The following STK3 variants were observed in gnomAD, a reference collection of about 807,000 sequenced individuals.
The protein encoded by STK3 is serine/threonine-protein kinase 3.
In STK3, 41 loss-of-function variants were observed where a neutral mutation model predicts 58.0. The ratio of observed to expected loss-of-function variants is 0.71; its 90% confidence interval spans 0.55 to 0.92. STK3 has a LOEUF of 0.92. Ranked by LOEUF, STK3 falls within the 40% of genes least tolerant of loss-of-function variation. The pLI, the probability that STK3 is intolerant of heterozygous loss-of-function variation, is 0.00. For synonymous variants in STK3, 170 were observed against 191.0 expected (o/e 0.89, Z 0.91); for missense variants, 479 against 602.7 (o/e 0.79, Z 2.15).
chr8:98,515,467 GTCTGTA>G (rs1022004789), intron 10 of STK3, among the ~76,000 whole-genome samples: 3 of 152,104 alleles, frequency 2.0e-5, no homozygotes, highest in Non-Finnish European at 2.9e-5. Flanking sequence ...CCTGCTCCAT[GTCTGTA>G]TTCCTACTTT....
intron 2 of STK3, 24 bp from the exon 3 acceptor site, chr8:98,767,395 T>C: frequency 6.4e-7 from 1 of 1,564,438 alleles, no homozygotes; most frequent in South Asian, 1.2e-5. Context: ...AGACATTATT[T>C]TTTTCCTATC....
At chr8:98,851,374 A>G (rs1248832349) in intron 3 of STK3, among the ~76,000 whole-genome samples, 3 of 152,182 alleles carry the variant, frequency 2.0e-5, no homozygotes, top group African/African-American at 7.2e-5. Flanking sequence ...CTCTTGTGGC[A>G]AGGTCATGGT....
chr8:98,686,093 A>G (rs1823979701), intron 6 of STK3, among the ~76,000 whole-genome samples: 1 of 152,192 alleles, frequency 6.6e-6, no homozygotes, highest in South Asian at 2.1e-4. Flanking sequence ...AAATGATTCT[A>G]ACATTAAAAT....
intron 1 of STK3, among the ~76,000 whole-genome samples, chr8:98,913,179 CAAAT>C (rs573649974): frequency 1.3e-3 from 194 of 150,170 alleles, no homozygotes; most frequent in African/African-American, 4.4e-3. Flanking sequence ...TTTTGAAAAA[CAAAT>C]AAGAGCTTTC....
chr8:98,628,769 T>C (rs1373702209), intron 6 of STK3, among the ~76,000 whole-genome samples: 1 of 129,340 alleles, frequency 7.7e-6, no homozygotes, highest in Admixed American at 9.6e-5. Flanking sequence ...ACCACTGCAC[T>C]CTATCCCAGG....
intron 3 of STK3, chr8:98,427,548 A>C (rs1818254847): frequency 6.9e-6 from 1 of 144,336 alleles, no homozygotes. Context: ...CACCCCACCA[A>C]AGCTACGCGC....
chr8:98,547,345 G>A (rs1810783698), intron 9 of STK3, among the ~76,000 whole-genome samples: 1 of 152,212 alleles, frequency 6.6e-6, no homozygotes, highest in South Asian at 2.1e-4. Context: ...AGAAGTGCTA[G>A]TCTGTGAAAG....
At chr8:98,933,152 A>G (rs989502043) in intron 1 of STK3, among the ~76,000 whole-genome samples, 7 of 152,228 alleles carry the variant, frequency 4.6e-5, no homozygotes, top group Non-Finnish European at 1.0e-4. Flanking sequence ...ATTGTATTCT[A>G]AAGAGTCAGC....
intron 1 of STK3, among the ~76,000 whole-genome samples, chr8:98,803,493 C>T (rs1833703062): frequency 6.8e-6 from 1 of 147,776 alleles, no homozygotes; most frequent in African/African-American, 2.5e-5. Flanking sequence ...ACTCGGGAGG[C>T]TAAGGTAGGA....
At chr8:98,380,184 G>A (rs1367752387) in intron 1 of STK3, among the ~76,000 whole-genome samples, 1 of 152,148 alleles carries the variant, frequency 6.6e-6, no homozygotes, top group African/African-American at 2.4e-5. Context: ...ATTAACAGGT[G>A]TAAGTTTTCA....
chr8:98,647,781 G>A (rs757561516), intron 6 of STK3, among the ~76,000 whole-genome samples: 3 of 152,164 alleles, frequency 2.0e-5, no homozygotes, highest in Non-Finnish European at 4.4e-5. Context: ...AGCTGGGATT[G>A]TAGGCATGAG....
At chr8:98,550,561 A>T (rs1407683820) in intron 8 of STK3, among the ~76,000 whole-genome samples, 4 of 152,074 alleles carry the variant, frequency 2.6e-5, no homozygotes, top group Admixed American at 6.6e-5. Context: ...TTCATTCCCT[A>T]TATATGCATC....
chr8:98,404,354 T>C (rs1198725662), intron 3 of STK3, among the ~76,000 whole-genome samples: 6 of 152,002 alleles, frequency 3.9e-5, no homozygotes, highest in Non-Finnish European at 1.5e-5. Flanking sequence ...TTGGACAACA[T>C]AGCGAGACTC....
chr8:98,513,958 C>A (rs1824725228), intron 10 of STK3, among the ~76,000 whole-genome samples: 1 of 152,126 alleles, frequency 6.6e-6, no homozygotes. Context: ...CCCAAGAAAA[C>A]CACATATTCC....
At chr8:98,826,407 T>C (rs569066370), upstream of STK3, among the ~76,000 whole-genome samples, 63 of 152,348 alleles carry the variant, frequency 4.1e-4, no homozygotes, top group Admixed American at 6.5e-4. Flanking sequence ...TCACAATAAT[T>C]ACATCTAATT....
intron 3 of STK3, among the ~76,000 whole-genome samples, chr8:98,422,646 C>T (rs113778397): frequency 3.3e-5 from 5 of 152,166 alleles, no homozygotes; most frequent in African/African-American, 7.2e-5. Flanking sequence ...AGGGAGGCGA[C>T]GACAAAGGCA....
intron 3 of STK3, among the ~76,000 whole-genome samples, chr8:98,411,999 T>C (rs1818062161): frequency 6.6e-6 from 1 of 152,140 alleles, no homozygotes; most frequent in Non-Finnish European, 1.5e-5. Flanking sequence ...CAGAGGGAAT[T>C]CAAAAGGCCC....
At chr8:98,909,675 G>A (rs893297422) in intron 1 of STK3, among the ~76,000 whole-genome samples, 3 of 152,148 alleles carry the variant, frequency 2.0e-5, no homozygotes, top group Non-Finnish European at 4.4e-5. Flanking sequence ...ATGTTGCAGC[G>A]TGTATCAGTA....
chr8:98,873,562 C>G (rs1309552836), intron 3 of STK3, among the ~76,000 whole-genome samples: 1 of 152,174 alleles, frequency 6.6e-6, no homozygotes, highest in Non-Finnish European at 1.5e-5. Flanking sequence ...GTTAGCTCTT[C>G]TTGTTGAATT....
Sources: allele counts gnomAD v4.1 joint callset (sites outside exome capture counted in the v4.1 genomes callset), GRCh38; gene constraint gnomAD v4.1.1; transcripts MANE v1.5; gene names NCBI Gene and HGNC (gene_info 2026-07-23, HGNC 2026-07-21).